Variants in NAV1 observed in about 807,000 individuals in gnomAD.
NAV1 encodes the protein pore membrane and/or filament interacting like protein 3.
Under a neutral mutation model 175.2 loss-of-function variants are expected in NAV1, and 18 were observed. The observed-to-expected ratio is 0.10, with a 90% confidence interval of 0.07 to 0.15. The LOEUF (loss-of-function observed/expected upper bound fraction) is 0.15, where lower values mean the gene tolerates loss of function less well. Ranked by LOEUF, NAV1 falls within the 10% of genes least tolerant of loss-of-function variation. NAV1 has a pLI of 1.00. For missense variants in NAV1, 1,731 were observed against 2,436.6 expected, an observed-to-expected ratio of 0.71 and a Z score of 6.10; for synonymous variants, 897 against 978.7, an observed-to-expected ratio of 0.92 and a Z score of 1.56.
chr1:201,635,750 AT>A lies in NAV1; in HGVS notation c.4+6248del, dbSNP rs569844341. 6.6e-4 allele frequency among the ~76,000 whole-genome samples: 100 copies of A among 152,250 alleles called. 1 individual carries two copies. The highest frequency in any genetic ancestry group is 1.1e-3 in the Non-Finnish European group (78 of 68,022). ...CCTTGACTTGGCAGCCTCTTAGCAG[AT>A]TTTTAGAGACTCCACTCTCCAACCT... On this transcript the variant is annotated intron_variant, in intron 2 of 29. Coordinates refer to the NAV1 transcript ENST00000367302.
At chr1:201,642,565 T>TCTTCCCTTC (rs1226203415) in intron 2 of NAV1, among the ~76,000 whole-genome samples, 1 of 50,730 alleles carries the variant, frequency 2.0e-5, no homozygotes, top group Non-Finnish European at 4.8e-5. Flanking sequence ...TTTTTCCCTT[T>TCTTCCCTTC]CTTCCCTTCC....
At chr1:201,631,872 C>A (rs889025082) in intron 2 of NAV1, among the ~76,000 whole-genome samples, 14 of 152,180 alleles carry the variant, frequency 9.2e-5, no homozygotes, top group African/African-American at 3.4e-4. Context: ...TCTTCCCTTC[C>A]TGACCATGAA....
intron 1 of NAV1, among the ~76,000 whole-genome samples, chr1:201,706,855 G>A (rs1671690078): frequency 1.3e-5 from 2 of 152,152 alleles, no homozygotes; most frequent in South Asian, 4.1e-4. Flanking sequence ...TATAGAACTT[G>A]GGGAAATTTG....
chr1:201,653,372 G>T (rs1459594554), intron 1 of NAV1, among the ~76,000 whole-genome samples: 1 of 152,304 alleles, frequency 6.6e-6, no homozygotes, highest in Non-Finnish European at 1.5e-5. Flanking sequence ...CATCTCAAAG[G>T]TGTCTGGACC....
In NAV1 at chr1:201,807,232, GC is replaced by G. The variant is rs1457031706; in HGVS notation, c.3649-718del. Among the ~76,000 whole-genome samples, 1 of 152,170 alleles carries G rather than the reference GC, an allele frequency of 6.6e-6. No individual in the cohort carries two copies. Among genetic ancestry groups the G allele is most frequent in the East Asian group, 1.9e-4 (1 of 5,196 alleles). On this transcript the variant is annotated intron_variant, in intron 17 of 29. Transcript: ENST00000367296. The surrounding 1 kb of genome is among the most constrained non-coding windows in gnomAD (Gnocchi z 5.4). ...TACTCTAAAGAAATGCTGGGAAATAGCCCTTCTTCTAGGACATTGGAAATCA... is the reference window on the plus strand; with the variant it reads ...TACTCTAAAGAAATGCTGGGAAATAGCCTTCTTCTAGGACATTGGAAATCA...
intron 1 of NAV1, among the ~76,000 whole-genome samples, chr1:201,567,219 G>A (rs1123033): frequency 6.6e-6 from 1 of 152,188 alleles, no homozygotes; most frequent in Non-Finnish European, 1.5e-5. Context: ...TCAGCTGCAG[G>A]GGGGAGTGGA....
chr1:201,765,946 T>C (rs1675187182), intron 3 of NAV1, among the ~76,000 whole-genome samples: 2 of 152,232 alleles, frequency 1.3e-5, no homozygotes, highest in South Asian at 4.1e-4. Context: ...AACAAATTAA[T>C]CAGATAGTTC....
intron 15 of NAV1, among the ~76,000 whole-genome samples, chr1:201,802,936 C>T (rs1019995634): frequency 6.6e-5 from 10 of 152,322 alleles, no homozygotes; most frequent in Non-Finnish European, 1.5e-4. Flanking sequence ...AAGCCAGTTC[C>T]CTGGACAGTG....
At chr1:201,621,850 T>G (rs996292034), upstream of NAV1, among the ~76,000 whole-genome samples, 1 of 152,246 alleles carries the variant, frequency 6.6e-6, no homozygotes, top group Non-Finnish European at 1.5e-5. Flanking sequence ...TTTTTTAACC[T>G]TTAACTCTTT....
At chr1:201,562,737 G>A (rs1265403404) in intron 1 of NAV1, among the ~76,000 whole-genome samples, 1 of 152,164 alleles carries the variant, frequency 6.6e-6, no homozygotes, top group African/African-American at 2.4e-5. Context: ...GTTTTAGCTT[G>A]CAGGGTACTT....
At chr1:201,644,863 A>G (rs1668922154), upstream of NAV1, among the ~76,000 whole-genome samples, 1 of 152,222 alleles carries the variant, frequency 6.6e-6, no homozygotes, top group Non-Finnish European at 1.5e-5. Flanking sequence ...ACAAAGAGGA[A>G]TAAAGACAGG....
chr1:201,768,841 A>G (rs1046009284), intron 3 of NAV1, among the ~76,000 whole-genome samples: 2 of 152,142 alleles, frequency 1.3e-5, no homozygotes, highest in Non-Finnish European at 1.5e-5. Flanking sequence ...AGATAGCAAG[A>G]GTATTCTTAA....
intron 14 of NAV1, 34 bp downstream of exon 18, chr1:201,793,909 T>TGTGGGGGGGGGGGGGGGGCC: frequency 1.9e-6 from 1 of 516,474 alleles, no homozygotes; most frequent in East Asian, 5.7e-5. Context: ...GAGGGGTGGG[T>TGTGGGGGGGGGGGGGGGGCC]GCGGCGAGGG....
chr1:201,741,710 C>G (rs1340996573), intron 3 of NAV1, among the ~76,000 whole-genome samples: 1 of 152,218 alleles, frequency 6.6e-6, no homozygotes, highest in Non-Finnish European at 1.5e-5. Context: ...AATGCCCTTT[C>G]TCTGAGCCTA....
In NAV1 at chr1:201,750,193, T is replaced by A. The variant is rs975197198; in HGVS notation, c.1227-30228T>A. ...TGGCAACTTTCTGTGTAATTTTTTA[T>A]AACAAAGACCTACCGCTGCAAGGAT... On this transcript the variant is annotated intron_variant, in intron 3 of 29. Coordinates refer to ENST00000367296, the Ensembl canonical transcript of NAV1. The surrounding 1 kb of genome is among the most constrained non-coding windows in gnomAD (Gnocchi z 4.1). 2.9e-4 allele frequency among the ~76,000 whole-genome samples: 44 copies of A among 152,216 alleles called. No homozygotes were observed. Among genetic ancestry groups the A allele is most frequent in the African/African-American group, 1.0e-3 (42 of 41,450 alleles).
intron 3 of NAV1, among the ~76,000 whole-genome samples, chr1:201,727,313 T>C (rs1672650195): frequency 3.9e-5 from 6 of 152,220 alleles, no homozygotes; most frequent in Admixed American, 3.9e-4. Context: ...ATGATCTTTC[T>C]GATCCTCACA....
chr1:201,614,343 C>A (rs1427104426), intron 2 of NAV1, among the ~76,000 whole-genome samples: 1 of 152,242 alleles, frequency 6.6e-6, no homozygotes, highest in Non-Finnish European at 1.5e-5. Flanking sequence ...CCTATCAGCA[C>A]CACGGCCGCC....
chr1:201,560,923 A>G (rs987149529), intron 1 of NAV1, among the ~76,000 whole-genome samples: 1 of 152,196 alleles, frequency 6.6e-6, no homozygotes, highest in Non-Finnish European at 1.5e-5. Flanking sequence ...CTCAGGGAAC[A>G]TAGTCAGCAT....
At chr1:201,610,665 G>A (rs546560141) in intron 2 of NAV1, among the ~76,000 whole-genome samples, 2 of 152,226 alleles carry the variant, frequency 1.3e-5, no homozygotes, top group Admixed American at 6.5e-5. Flanking sequence ...CACAGGCTGG[G>A]GTGGTGGAGT....
Sources: allele counts gnomAD v4.1 joint callset (sites outside exome capture counted in the v4.1 genomes callset), GRCh38; gene constraint gnomAD v4.1.1; non-coding constraint Gnocchi (gnomAD v3.1); transcripts MANE v1.5; gene names NCBI Gene and HGNC (gene_info 2026-07-23, HGNC 2026-07-21).